JMJD1C: variants seen among roughly 807,000 people sequenced by gnomAD.
JMJD1C encodes jumonji domain containing 1C, also known as jumonji domain-containing protein 1C.
JMJD1C carries 31 observed loss-of-function variants against 245.3 expected under a neutral mutation model. The ratio of observed to expected loss-of-function variants is 0.13; its 90% CI spans 0.09 to 0.17. The LOEUF is 0.17. Among genes scored for constraint, JMJD1C ranks in the 10% least tolerant of loss-of-function variants. The pLI, the probability that JMJD1C is intolerant of heterozygous loss-of-function variation, is 1.00. For synonymous variants in JMJD1C, 1,057 were observed against 1,017.4 expected, an observed-to-expected ratio of 1.04 and a Z score of -0.74; for missense variants, 2,691 against 3,000.2, an observed-to-expected ratio of 0.90 and a Z score of 2.41.
chr10:63,216,828 T>C (rs921144976), intron 5 of JMJD1C, among the ~76,000 whole-genome samples: 2 of 152,376 alleles, frequency 1.3e-5, no homozygotes, highest in Non-Finnish European at 2.9e-5. Context: ...AGAAATGTAC[T>C]GTGTGTTTAA....
rs1289492398 is a variant in JMJD1C at position 63,207,772 on chromosome 10, C to A, written c.3897G>T (p.Gln1299His). Reference protein sequence around the residue: ...WHVEKSSGKLQAAMASVIVRP... With the variant: ...WHVEKSSGKLHAAMASVIVRP... ...GCACAATGACAGATGCCATAGCAGC[C>A]TGTAACTTTCCGCTGCTTTTCTCCA... Residue 1299 changes from glutamine to histidine, a missense_variant, in exon 10 of 26, where the codon CAG becomes CAT. By Grantham distance (24) the Gln-to-His change is conservative. Coordinates refer to ENST00000399262, the MANE Select transcript of JMJD1C (RefSeq NM_032776.3). The A allele has an allele frequency of 2.5e-6, 4 of 1,614,202 alleles. No individual in the cohort carries two copies. The highest frequency in any genetic ancestry group is 2.2e-5 in the South Asian group (2 of 91,084).
At position 63,264,719 on chromosome 10, in the gene JMJD1C, C is replaced by T. The variant is rs1178379971; in HGVS notation, c.379G>A (p.Ala127Thr). The change falls in exon 3 of 26, where the codon GCA becomes ACA. Residue 127 changes from alanine to threonine, a missense_variant. Ala to Thr is a moderately conservative substitution (Grantham distance 58). Transcript: ENST00000399262. ...VERNIPSSVTAVEFLVDKQLD... is the reference protein window; with the variant it reads ...VERNIPSSVTTVEFLVDKQLD... ...TGCTTATCTACAAGGAATTCTACTG[C>T]AGTGACTGAACTGGGTATATTTCTT... The T allele has an allele frequency of 5.0e-6, 8 of 1,600,704 alleles. No homozygotes were observed. The highest frequency in any genetic ancestry group is 6.0e-6 in the Non-Finnish European group (7 of 1,173,044).
At chr10:63,222,262 A>G in intron 3 of JMJD1C, 1 of 834,602 alleles carries the variant, frequency 1.2e-6, no homozygotes, top group South Asian at 1.3e-5. Context: ...AGGATGTAAC[A>G]GGGAGAGCTG....
At chr10:63,464,760 C>A (rs1394837139) in intron 1 of JMJD1C, among the ~76,000 whole-genome samples, 1 of 151,850 alleles carries the variant, frequency 6.6e-6, no homozygotes, top group African/African-American at 2.4e-5. Flanking sequence ...CAACATTTTT[C>A]GTCTTATTTA....
intron 2 of JMJD1C, among the ~76,000 whole-genome samples, chr10:63,372,710 C>T (rs980844030): frequency 2.0e-5 from 3 of 152,140 alleles, no homozygotes; most frequent in African/African-American, 7.2e-5. Context: ...TCCAAGGAAC[C>T]ATACATAGAT....
At chr10:63,195,009 C>T (rs560326648) in intron 13 of JMJD1C, among the ~76,000 whole-genome samples, 1 of 152,196 alleles carries the variant, frequency 6.6e-6, no homozygotes, top group South Asian at 2.1e-4. Context: ...CTACTTACGA[C>T]GTGGCTACAA....
intron 2 of JMJD1C, among the ~76,000 whole-genome samples, chr10:63,315,940 G>A (rs528698148): frequency 2.6e-5 from 4 of 151,882 alleles, no homozygotes; most frequent in African/African-American, 9.7e-5. Context: ...AGGCTGAGAT[G>A]GACAGAGTAC....
chr10:63,258,535 A>G (rs949817400), intron 3 of JMJD1C, among the ~76,000 whole-genome samples: 5 of 152,148 alleles, frequency 3.3e-5, no homozygotes, highest in Admixed American at 3.3e-4. Flanking sequence ...CTAAGCTGAC[A>G]TTCTACTGTC....
intron 2 of JMJD1C, among the ~76,000 whole-genome samples, chr10:63,315,548 A>T (rs553890143): frequency 6.6e-6 from 1 of 152,212 alleles, no homozygotes; most frequent in East Asian, 1.9e-4. Context: ...ACTTGCTGTA[A>T]GAAATTCTGG....
chr10:63,295,972 T>TACAC (rs1859352041), intron 2 of JMJD1C, among the ~76,000 whole-genome samples: 6 of 29,792 alleles, frequency 2.0e-4, no homozygotes, highest in East Asian at 1.0e-3. Context: ...TGTGTGTGTG[T>TACAC]GTGTGTGTGT....
intron 1 of JMJD1C, among the ~76,000 whole-genome samples, chr10:63,455,585 A>G (rs1435875265): frequency 1.3e-5 from 2 of 152,134 alleles, no homozygotes; most frequent in African/African-American, 4.8e-5. Flanking sequence ...TTTCCCTTGT[A>G]TTAAGCTACC....
rs752197807 is a variant in JMJD1C, at chr10:63,465,735, G to A, written c.-73C>T. The A allele has an allele frequency of 3.2e-6, 5 of 1,552,590 alleles. No individual in the cohort carries two copies. The highest frequency in any genetic ancestry group is 4.4e-6 in the Non-Finnish European group (5 of 1,141,012). On this transcript the variant is annotated 5_prime_UTR_variant, in exon 1 of 26. Transcript: ENST00000399262. ...CGATGAAACCTCACTCCTACCGGCC[G>A]CTCATGCTGAGGAGAGCGGACCGGG...
rs747991541 is a variant in JMJD1C at position 63,214,113 on chromosome 10, C to T, written c.2054G>A (p.Ser685Asn). The stretch of plus-strand genomic sequence containing the variant: ...GCTTCGAGTAGGAATTGGATGAAAA[C>T]TGCATCTTGATAGCTCATGTTCTAT... ...NKIEHELSRC[S>N]FHPIPTRSST... Residue 685 changes from serine to asparagine, a missense_variant, in exon 8 of 26, where the codon AGT (serine) becomes AAT (asparagine). Physicochemically the swap from Ser to Asn is conservative, Grantham distance 46 (BLOSUM62 1). Around this residue, in one of 9 missense-constraint regions of JMJD1C, gnomAD observed 1,562 missense variants for 1,490.7 expected, o/e 1.05. Coordinates refer to ENST00000399262, the MANE Select transcript of JMJD1C (RefSeq NM_032776.3). 1.5e-5 allele frequency: 25 copies of T among 1,614,198 alleles called. No homozygotes were observed. Among genetic ancestry groups the T allele is most frequent in the Middle Eastern group, 1.6e-4 (1 of 6,062 alleles).
chr10:63,305,519 CT>C (rs1938033112), intron 2 of JMJD1C, among the ~76,000 whole-genome samples: 1 of 149,952 alleles, frequency 6.7e-6, no homozygotes, highest in Non-Finnish European at 1.5e-5. Context: ...GACCCTCTCT[CT>C]CTCTCTCTCT....
chr10:63,505,161 T>TA (rs1954679708), intron 1 of JMJD1C, among the ~76,000 whole-genome samples: 1 of 151,728 alleles, frequency 6.6e-6, no homozygotes. Context: ...AAATATTTTT[T>TA]AAAAAATTAG....
chr10:63,208,921 CTATAA>C, intron 9 of JMJD1C, 120 bp from the exon 10 acceptor site: 1 of 1,031,306 alleles, frequency 9.7e-7, no homozygotes, highest in East Asian at 2.6e-5. Context: ...TACTCTAATA[CTATAA>C]TAAATTTGAA....
chr10:63,359,159 A>G (rs1298918666), intron 2 of JMJD1C: 3 of 152,482 alleles, frequency 2.0e-5, no homozygotes, highest in Non-Finnish European at 4.4e-5. Context: ...AGAAAGTAAC[A>G]TTTTGTTTTA....
At position 63,272,433 on chromosome 10, in the gene JMJD1C, TAG is replaced by T. The variant is rs1167858218; in HGVS notation, c.334-7671_334-7670del. Among the ~76,000 whole-genome samples, 6 of 152,256 alleles carry T rather than the reference TAG, an allele frequency of 3.9e-5. No homozygotes were observed. The East Asian group carries it at 9.7e-4, about 25-fold the overall frequency. ...CGCCCAGCTAATTTTGTGTTTTTAGTAGAGACAGGGTTTCACCATGCTGACCA... is the reference window on the plus strand; with the variant it reads ...CGCCCAGCTAATTTTGTGTTTTTAGTAGACAGGGTTTCACCATGCTGACCA... On this transcript the variant is annotated intron_variant, in intron 2 of 25. Transcript: ENST00000399262.
At chr10:63,332,859 G>A (rs1482741459) in intron 2 of JMJD1C, among the ~76,000 whole-genome samples, 1 of 152,098 alleles carries the variant, frequency 6.6e-6, no homozygotes, top group Non-Finnish European at 1.5e-5. Flanking sequence ...ATGCTGTCTA[G>A]GAATACTGAT....
Sources: allele counts gnomAD v4.1 joint callset (sites outside exome capture counted in the v4.1 genomes callset), GRCh38; gene constraint gnomAD v4.1.1; regional missense constraint gnomAD v4.1.1; transcripts MANE v1.5; gene names NCBI Gene and HGNC (gene_info 2026-07-23, HGNC 2026-07-21).